The following LINGO2 variants were observed in gnomAD, a reference collection of about 807,000 sequenced individuals.
LINGO2 encodes leucine rich repeat and Ig domain containing 2, also known as leucine-rich repeat and immunoglobulin-like domain-containing nogo receptor-interacting protein 2.
In LINGO2, 14 loss-of-function variants were observed where a neutral mutation model predicts 30.6. The observed-to-expected ratio is 0.46, with a 90% CI of 0.30 to 0.72. The LOEUF (loss-of-function observed/expected upper bound fraction) is 0.72. LINGO2 is among the 30% of genes least tolerant of loss of function. LINGO2 has a pLI of 0.07. For missense variants in LINGO2, 729 were observed against 751.7 expected, an observed-to-expected ratio of 0.97 and a Z score of 0.35; for synonymous variants, 317 against 288.5, an observed-to-expected ratio of 1.10 and a Z score of -1.00.
At chr9:28,196,682 A>C (rs1820025226) in intron 4 of LINGO2, among the ~76,000 whole-genome samples, 1 of 152,024 alleles carries the variant, frequency 6.6e-6, no homozygotes, top group African/African-American at 2.4e-5. Flanking sequence ...AAATCAATTT[A>C]GAAAACTTAT....
At chr9:28,888,871 A>G in the LINGO2 span, 1 of 534,010 alleles carries the variant, frequency 1.9e-6, no homozygotes, top group African/African-American at 1.9e-5. Flanking sequence ...AGAAATGAGT[A>G]GGAAGATTTG....
At chr9:28,840,305 C>T in the LINGO2 span, among the ~76,000 whole-genome samples, 1 of 152,048 alleles carries the variant, frequency 6.6e-6, no homozygotes, top group South Asian at 2.1e-4. Flanking sequence ...ACTGCACCTC[C>T]CCTGCTGCAG....
chr9:29,048,737 G>A, the LINGO2 span, among the ~76,000 whole-genome samples: 1 of 152,064 alleles, frequency 6.6e-6, no homozygotes, highest in Admixed American at 6.5e-5. Flanking sequence ...TTCAATAAAT[G>A]GTGCTGGGAA....
intron 5 of LINGO2, among the ~76,000 whole-genome samples, chr9:28,003,572 C>T (rs1371895435): frequency 2.0e-5 from 3 of 152,134 alleles, no homozygotes; most frequent in Non-Finnish European, 4.4e-5. Flanking sequence ...CATTCTTCTC[C>T]TGCCTCAGCC....
intron 1 of LINGO2, among the ~76,000 whole-genome samples, chr9:28,632,451 G>A (rs1196080990): frequency 6.6e-6 from 1 of 151,022 alleles, no homozygotes; most frequent in East Asian, 1.9e-4. Flanking sequence ...CATAAAATAA[G>A]CAAAAACGGG....
chr9:27,990,219 A>G (rs1821325046), intron 5 of LINGO2, among the ~76,000 whole-genome samples: 1 of 152,078 alleles, frequency 6.6e-6, no homozygotes, highest in African/African-American at 2.4e-5. Flanking sequence ...ACAGCATTTC[A>G]ACAAGATTCA....
intron 1 of LINGO2, among the ~76,000 whole-genome samples, chr9:28,509,222 T>C (rs748420005): frequency 6.6e-6 from 1 of 152,180 alleles, no homozygotes; most frequent in Non-Finnish European, 1.5e-5. Context: ...GAGTGTGGCT[T>C]AATTTCCCTC....
At chr9:29,172,029 T>A in the LINGO2 span, among the ~76,000 whole-genome samples, 1 of 151,898 alleles carries the variant, frequency 6.6e-6, no homozygotes, top group Non-Finnish European at 1.5e-5. Context: ...TTAAAATTAA[T>A]AAAACAGTGT....
At chr9:28,234,140 TG>T (rs1423692294) in intron 4 of LINGO2, among the ~76,000 whole-genome samples, 1 of 152,116 alleles carries the variant, frequency 6.6e-6, no homozygotes, top group African/African-American at 2.4e-5. Flanking sequence ...CTTGGGGTCC[TG>T]GAGTCCAGGC....
chr9:28,278,808 T>G (rs1564091826), intron 4 of LINGO2, among the ~76,000 whole-genome samples: 2 of 152,212 alleles, frequency 1.3e-5, no homozygotes. Context: ...CTTTTAGGTT[T>G]TATTATTTAA....
the LINGO2 span, among the ~76,000 whole-genome samples, chr9:29,112,353 C>G: frequency 6.6e-6 from 1 of 152,082 alleles, no homozygotes; most frequent in Non-Finnish European, 1.5e-5. Flanking sequence ...ATCTGAAACT[C>G]TAGGGACCTG....
At chr9:29,169,664 A>G in the LINGO2 span, among the ~76,000 whole-genome samples, 1 of 152,196 alleles carries the variant, frequency 6.6e-6, no homozygotes, top group Admixed American at 6.5e-5. Flanking sequence ...AAAAGAGAAT[A>G]TTTATACATT....
At chr9:28,108,918 A>C (rs1422726205) in intron 4 of LINGO2, among the ~76,000 whole-genome samples, 1 of 152,150 alleles carries the variant, frequency 6.6e-6, no homozygotes, top group Non-Finnish European at 1.5e-5. Context: ...TATCTGAGAC[A>C]TAAGCCTGTG....
intron 4 of LINGO2, among the ~76,000 whole-genome samples, chr9:28,096,570 T>C (rs1226297157): frequency 6.6e-5 from 10 of 152,134 alleles, no homozygotes; most frequent in Non-Finnish European, 8.8e-5. Context: ...TTGTAGTGCC[T>C]AGACAGAGAG....
intron 3 of LINGO2, among the ~76,000 whole-genome samples, chr9:28,341,318 C>T (rs1172905742): frequency 1.3e-5 from 2 of 152,030 alleles, no homozygotes; most frequent in Admixed American, 1.3e-4. Flanking sequence ...GATGTTTTTC[C>T]ACCTACTGTG....
At chr9:28,223,554 T>C (rs943872559) in intron 4 of LINGO2, among the ~76,000 whole-genome samples, 1 of 152,204 alleles carries the variant, frequency 6.6e-6, no homozygotes, top group Admixed American at 6.5e-5. Flanking sequence ...ATGTTTTGTT[T>C]CATAAAGATT....
the LINGO2 span, among the ~76,000 whole-genome samples, chr9:28,932,672 A>G: frequency 4.9e-5 from 7 of 143,962 alleles, no homozygotes; most frequent in Non-Finnish European, 7.8e-5. Flanking sequence ...GCCTCCTCCT[A>G]TATTATCATT....
chr9:28,696,842 T>G, the LINGO2 span, among the ~76,000 whole-genome samples: 1 of 152,024 alleles, frequency 6.6e-6, no homozygotes, highest in East Asian at 1.9e-4. Context: ...TGAATTTAGG[T>G]GAGCTAAGGA....
intron 4 of LINGO2, among the ~76,000 whole-genome samples, chr9:28,038,570 G>A (rs1010384284): frequency 2.0e-5 from 3 of 152,016 alleles, no homozygotes; most frequent in African/African-American, 7.2e-5. Flanking sequence ...GTGGGCGCCT[G>A]TAGTCCCAGC....
Sources: gnomAD v4.1 joint callset for allele counts (sites outside exome capture counted in the v4.1 genomes callset) on GRCh38, gnomAD v4.1.1 for gene constraint, MANE v1.5 for transcripts, NCBI Gene and HGNC (gene_info 2026-07-23, HGNC 2026-07-21) for gene names.